Variants in MVB12A observed in about 807,000 individuals in gnomAD.
MVB12A encodes multivesicular body subunit 12A, also known as CIN85/CD2AP family binding protein.
Under a neutral mutation model 34.3 loss-of-function variants are expected in MVB12A, and 30 were observed. That is an observed-to-expected ratio of 0.88 (90% CI 0.65 to 1.19). The LOEUF (loss-of-function observed/expected upper bound fraction) is 1.19, where lower values mean the gene tolerates loss of function less well. Among genes scored for constraint, MVB12A ranks in the 50% most tolerant of loss-of-function variants. MVB12A has a pLI of 0.00. For missense variants in MVB12A, 355 were observed against 369.2 expected (o/e 0.96, Z 0.31); for synonymous variants, 158 against 158.9 (o/e 0.99, Z 0.04).
chr19:17,424,907 A>G, intron 8 of MVB12A, 24 bp from the exon 9 acceptor site: 1 of 1,555,950 alleles, frequency 6.4e-7, no homozygotes, highest in Non-Finnish European at 8.7e-7. Context: ...GCACCTGTTC[A>G]CTCTCTCTCT....
chr19:17,419,141 G>A (rs1653023214), upstream of MVB12A: 1 of 152,198 alleles, frequency 6.6e-6, no homozygotes, highest in Non-Finnish European at 1.5e-5. Flanking sequence ...TGAGGCTCAT[G>A]AATTGAGCCT....
At chr19:17,420,285 C>T in intron 1 of MVB12A, 28 bp from the exon 2 acceptor site, 1 of 1,565,958 alleles carries the variant, frequency 6.4e-7, no homozygotes, top group Non-Finnish European at 8.7e-7. Context: ...GGGTGGGAGT[C>T]CGGCGCTGAC....
At position 17,408,053 on chromosome 19, in the gene MVB12A, G is replaced by C. The variant is rs547555575; in HGVS notation, c.-5+1757G>C. ...TCTCTGTATGGCCTGGTTTTTCCTA[G>C]GTTATGATTGTAGACCGAGGATTAT... On this transcript the variant is annotated intron_variant, in intron 2 of 6. Coordinates refer to the MVB12A transcript ENST00000528604. Among the ~76,000 whole-genome samples, 4 of 152,278 alleles carry C rather than the reference G, an allele frequency of 2.6e-5. No individual in the cohort carries two copies. The East Asian group carries it at 7.7e-4, about 29-fold the overall frequency.
chr19:17,420,244 CG>C lies in MVB12A; in HGVS notation c.90+24del. ...CAGCGCGGTGAGCGGCGTCGAGGGGCGGGGGTCGAATGGGGGAGGCAGTCGC... is the reference window on the plus strand; with the variant it reads ...CAGCGCGGTGAGCGGCGTCGAGGGGCGGGGTCGAATGGGGGAGGCAGTCGC... On this transcript the variant is annotated intron_variant, in intron 1 of 8. Transcript: ENST00000317040. 2 of 1,511,862 alleles carry C rather than the reference CG, an allele frequency of 1.3e-6. No homozygotes were observed. Among genetic ancestry groups the C allele is most frequent in the African/African-American group, 1.4e-5 (1 of 70,942 alleles). The allele number at this position is 1,511,862 out of a possible 1,614,324, so 93.7% of individuals were successfully genotyped here.
chr19:17,407,633 T>C (rs1332325289), intron 2 of MVB12A, among the ~76,000 whole-genome samples: 1 of 152,154 alleles, frequency 6.6e-6, no homozygotes. Flanking sequence ...TACTGCTATC[T>C]AGAAGGCAGA....
At position 17,420,069 on chromosome 19, in the gene MVB12A, C is replaced by T. The variant is rs1268485248; in HGVS notation, c.-67C>T. ...GTTGTAGTTCGGTCGCGAGCGCTGC[C>T]GTCGGGAGGCGCTCCGAGGTTCGAG... On this transcript the variant is annotated 5_prime_UTR_variant, in exon 1 of 9. Transcript: ENST00000317040. 3.9e-6 allele frequency: 4 copies of T among 1,026,162 alleles called. No homozygotes were observed. Among genetic ancestry groups the T allele is most frequent in the East Asian group, 4.9e-5 (1 of 20,448 alleles). 63.6% of individuals were successfully genotyped at this position (1,026,162 alleles called of 1,614,324 possible). A position where few individuals can be genotyped will look rare whatever the true frequency, so the allele number is the denominator to read the frequency against.
intron 2 of MVB12A, among the ~76,000 whole-genome samples, chr19:17,411,201 C>T (rs1015002845): frequency 5.9e-5 from 9 of 151,740 alleles, no homozygotes; most frequent in African/African-American, 1.7e-4. Flanking sequence ...CTCCTGACCT[C>T]GTGATCTGCC....
At chr19:17,410,816 C>T (rs1459875080) in intron 2 of MVB12A, among the ~76,000 whole-genome samples, 1 of 142,594 alleles carries the variant, frequency 7.0e-6, no homozygotes, top group African/African-American at 2.6e-5. Flanking sequence ...GTAATCCCAG[C>T]TACTCAGAAG....
chr19:17,424,971 G>A lies in MVB12A; in HGVS notation c.800G>A (p.Arg267His). ...GFVVEKTAAA[R>H]LPPSVS is the part of the protein sequence containing the mutation. ...GTGGTGGAGAAGACCGCGGCTGCCC[G>A]CCTGCCCCCCAGCGTCTCATAGTCC... The change falls in exon 9 of 9, where the codon CGC becomes CAC. Residue 267 changes from arginine (R) to histidine (H), a missense_variant. Physicochemically the swap from Arg to His is conservative, Grantham distance 29. Coordinates refer to ENST00000317040, the MANE Select transcript of MVB12A (RefSeq NM_138401.4). The A allele has an allele frequency of 6.2e-7, 1 of 1,609,236 alleles. No individual in the cohort carries two copies. The highest frequency in any genetic ancestry group is 8.5e-7 in the Non-Finnish European group (1 of 1,177,422).
At chr19:17,408,856 A>C (rs1343438047) in intron 2 of MVB12A, among the ~76,000 whole-genome samples, 1 of 87,268 alleles carries the variant, frequency 1.1e-5, no homozygotes, top group Non-Finnish European at 2.4e-5. Context: ...TTGAGAGGGA[A>C]TCTCTCTCTG....
In MVB12A at chr19:17,422,408, T is replaced by C; in HGVS notation, c.363T>C (p.Asp121=). ...GAGCCACGGACACGGCTGTGTTTGA[T>C]GTCCGGCTGAGTGGGAAGACCAAGA... The part of the protein sequence containing the change: ...PLGATDTAVF[D]VRLSGKTKTV... Residue 121 remains aspartate, a synonymous_variant, in exon 4 of 9, where the codon GAT becomes GAC. Transcript: ENST00000317040. 1.2e-6 allele frequency: 2 copies of C among 1,613,812 alleles called. No individual in the cohort carries two copies. Among genetic ancestry groups the C allele is most frequent in the Non-Finnish European group, 1.7e-6 (2 of 1,179,838 alleles).
chr19:17,421,018 A>G (rs1325901267), intron 3 of MVB12A: 1 of 473,346 alleles, frequency 2.1e-6, no homozygotes. Flanking sequence ...TTTGTAGCTC[A>G]TTCTCCGTCC....
chr19:17,413,290 T>G (rs923155459), intron 2 of MVB12A: 8 of 152,186 alleles, frequency 5.3e-5, no homozygotes, highest in Admixed American at 5.3e-4. Context: ...AGATCAAGAC[T>G]AGTGTGAGCA....
Position 17,420,395 on chromosome 19 carries a change from C to G in MVB12A, c.173C>G (p.Ser58Cys). The G allele has an allele frequency of 6.2e-7, 1 of 1,613,950 alleles. No homozygotes were observed. Among genetic ancestry groups the G allele is most frequent in the Non-Finnish European group, 8.5e-7 (1 of 1,179,942 alleles). Reference sequence around the variant, plus strand: ...TCTGGCTACTTCCTGTGCCTTAGTTCTCTGGGCAGCCTAGAGGTAAGAGGT... The same window carrying G: ...TCTGGCTACTTCCTGTGCCTTAGTTGTCTGGGCAGCCTAGAGGTAAGAGGT... ...QKSGYFLCLS[S>C]LGSLENPQEN... Residue 58 changes from serine to cysteine, a missense_variant, in exon 2 of 9, where the codon TCT becomes TGT. Physicochemically the swap from Ser to Cys is moderately radical, Grantham distance 112 (BLOSUM62 -1). Transcript: ENST00000317040.
intron 2 of MVB12A, chr19:17,414,286 GAA>G: frequency 6.8e-6 from 1 of 148,076 alleles, no homozygotes; most frequent in Non-Finnish European, 1.5e-5. Context: ...GTCTCAAAAG[GAA>G]AAAAAAAAGA....
chr19:17,415,211 A>C (rs778471040), upstream of MVB12A: 3 of 152,066 alleles, frequency 2.0e-5, no homozygotes, highest in East Asian at 5.8e-4. Flanking sequence ...CTTGTTTCCC[A>C]TATGAGTAGA....
At chr19:17,417,850 G>A (rs1473520063), upstream of MVB12A, 2 of 321,012 alleles carry the variant, frequency 6.2e-6, no homozygotes, top group Non-Finnish European at 1.2e-5. Context: ...ATATTTCTTG[G>A]AAAATTCTGC....
chr19:17,410,927 CAAAA>C (rs777154734), intron 2 of MVB12A, among the ~76,000 whole-genome samples: 1 of 86,512 alleles, frequency 1.2e-5, no homozygotes, highest in Non-Finnish European at 2.1e-5. Context: ...GACTCTGTCT[CAAAA>C]AAAAAAAAAA....
In MVB12A at chr19:17,420,575, T is replaced by C; in HGVS notation, c.227T>C (p.Val76Ala). 6.2e-7 allele frequency: 1 copy of C among 1,614,004 alleles called. No homozygotes were observed. Among genetic ancestry groups the C allele is most frequent in the Non-Finnish European group, 8.5e-7 (1 of 1,179,950 alleles). Reference protein sequence around the residue: ...QENVVADIQIVVDKSPLPLGF... With the variant: ...QENVVADIQIAVDKSPLPLGF... ...AACGTGGTGGCCGATATCCAGATCG[T>C]GGTGGACAAGAGCCCCCTGCCGCTG... Residue 76 changes from valine to alanine, a missense_variant, in exon 3 of 9, where the codon GTG becomes GCG. Val to Ala is a moderately conservative substitution (Grantham distance 64, BLOSUM62 0). Coordinates refer to ENST00000317040, the MANE Select transcript of MVB12A (RefSeq NM_138401.4).
Sources: allele counts gnomAD v4.1 joint callset (sites outside exome capture counted in the v4.1 genomes callset), GRCh38; gene constraint gnomAD v4.1.1; transcripts MANE v1.5; gene names NCBI Gene and HGNC (gene_info 2026-07-23, HGNC 2026-07-21).